Variants in RELB observed in about 807,000 individuals in gnomAD.
The protein encoded by RELB is transcription factor RelB.
RELB carries 14 observed loss-of-function variants against 55.4 expected under a neutral mutation model. The observed-to-expected ratio is 0.25, with a 90% CI of 0.17 to 0.40. The LOEUF (loss-of-function observed/expected upper bound fraction) is 0.40. Ranked by LOEUF, RELB falls within the 10% of genes least tolerant of loss-of-function variation. The pLI is 1.00. For synonymous variants in RELB, 409 were observed against 371.3 expected (o/e 1.10, Z -1.17); for missense variants, 669 against 830.7 (o/e 0.81, Z 2.39).
At chr19:45,016,776 G>C (rs76902118) in intron 4 of RELB, among the ~76,000 whole-genome samples, 4,612 of 152,264 alleles carry the variant, frequency 0.03, 234 homozygotes, top group African/African-American at 0.1. Context: ...AGTATTGCTT[G>C]AGTCTGGGAG....
rs548233614 is a variant in RELB, at chr19:45,021,162, C to T, written c.505-891C>T. Among the ~76,000 whole-genome samples the T allele has an allele frequency of 4.4e-4, 66 of 151,604 alleles. 3 individuals carry two copies. Among genetic ancestry groups the T allele is most frequent in the Admixed American group, 3.3e-4 (5 of 15,174 alleles). On this transcript the variant is annotated intron_variant, in intron 4 of 11. Coordinates refer to ENST00000221452, the MANE Select transcript of RELB (RefSeq NM_006509.4). ...CCGCACTCTAGCTTAGGTGATACAG[C>T]GAGACCCTGTCACAAAAAAATTTAA... is the stretch of plus-strand genomic sequence containing the variant.
At chr19:45,023,740 CTTTTTTTTTTTTTTTTT>C (rs1168078618) in intron 5 of RELB, among the ~76,000 whole-genome samples, 1 of 38,364 alleles carries the variant, frequency 2.6e-5, no homozygotes, top group Admixed American at 4.8e-4. Context: ...TGCCCAGCCT[CTTTTTTTTTTTTTTTTT>C]TTTTTTTTTT....
At position 45,011,997 on chromosome 19, in the gene RELB, G is replaced by T; in HGVS notation, c.225G>T (p.Pro75=). The part of the protein sequence containing the change: ...GFGLDGGQPG[P]GEGLPRLVSR... Reference sequence around the variant, plus strand: ...GCCTGGACGGGGGACAGCCGGGCCCGGGCGAGGGGCTGCCACGCCTGGTGT... The same window carrying T: ...GCCTGGACGGGGGACAGCCGGGCCCTGGCGAGGGGCTGCCACGCCTGGTGT... The change falls in exon 4 of 12, where the codon CCG becomes CCT. Residue 75 remains proline (P), a synonymous_variant. Transcript: ENST00000221452. 6.3e-7 allele frequency: 1 copy of T among 1,577,370 alleles called. No homozygotes were observed. The highest frequency in any genetic ancestry group is 2.4e-5 in the East Asian group (1 of 41,638).
chr19:45,004,094 C>T (rs1372546202), intron 2 of RELB, among the ~76,000 whole-genome samples: 56 of 148,876 alleles, frequency 3.8e-4, no homozygotes, highest in Non-Finnish European at 1.3e-4. Flanking sequence ...CACTTTGTGT[C>T]TTTAGTAGAG....
In RELB at chr19:45,025,698, C is replaced by G. The variant is rs370098933; in HGVS notation, c.847C>G (p.Arg283Gly). ...SYRDQQGQMRRMDPVLSEPVY... is the reference protein window; with the variant it reads ...SYRDQQGQMRGMDPVLSEPVY... ...TCGGGACCAGCAGGGACAGATGCGC[C>G]GGATGGATCCTGTGCTTTCCGAGCC... Residue 283 changes from arginine (R) to glycine (G), a missense_variant, in exon 7 of 12, where the codon CGG (arginine) becomes GGG (glycine). By Grantham distance (125) the Arg-to-Gly change is moderately radical. Transcript: ENST00000221452. 6.2e-7 allele frequency: 1 copy of G among 1,613,948 alleles called. No individual in the cohort carries two copies. The highest frequency in any genetic ancestry group is 1.7e-5 in the Admixed American group (1 of 59,998).
rs1350741460 is a variant in RELB, at chr19:45,034,237, T to C, written c.1208-7T>C. ...CTTCTTGTGTGTCCCTGGTATCTCCTTAACAGACAGCTACGGCGTGGACAA... is the reference window on the plus strand; with the variant it reads ...CTTCTTGTGTGTCCCTGGTATCTCCCTAACAGACAGCTACGGCGTGGACAA... On this transcript the variant is annotated splice_polypyrimidine_tract_variant and splice_region_variant and intron_variant, in intron 9 of 11. Transcript: ENST00000221452. The C allele has an allele frequency of 6.8e-6, 11 of 1,612,146 alleles. No individual in the cohort carries two copies. The Admixed American group carries it at 1.0e-4, about 15-fold the overall frequency.
chr19:45,026,869 T>C (rs1358569003), intron 7 of RELB, among the ~76,000 whole-genome samples: 3 of 152,150 alleles, frequency 2.0e-5, no homozygotes, highest in African/African-American at 2.4e-5. Flanking sequence ...AGCCAACCCA[T>C]AGTGACTGCT....
At chr19:45,032,442 A>C in intron 8 of RELB, 92 bp from the exon 9 acceptor site, 2 of 1,046,474 alleles carry the variant, frequency 1.9e-6, no homozygotes, top group Non-Finnish European at 2.8e-6. Context: ...AAAAGGGGGA[A>C]TATTAGTCTT....
rs774233582 is a variant in RELB at position 45,012,219 on chromosome 19, C to T, written c.447C>T (p.Ala149=). The change falls in exon 4 of 12, where the codon GCC becomes GCT. Residue 149 remains alanine, a synonymous_variant. Coordinates refer to ENST00000221452, the MANE Select transcript of RELB (RefSeq NM_006509.4). The part of the protein sequence containing the change: ...RFRYECEGRS[A]GSILGESSTE... ...GCTACGAGTGCGAGGGCCGCTCGGCCGGCAGCATCCTTGGGGAGAGCAGCA... is the reference window on the plus strand; with the variant it reads ...GCTACGAGTGCGAGGGCCGCTCGGCTGGCAGCATCCTTGGGGAGAGCAGCA... The T allele has an allele frequency of 1.3e-6, 2 of 1,492,778 alleles. No homozygotes were observed. The highest frequency in any genetic ancestry group is 8.8e-7 in the Non-Finnish European group (1 of 1,136,002). 92.5% of individuals were successfully genotyped at this position (1,492,778 alleles called of 1,614,324 possible). A position where few individuals can be genotyped will look rare whatever the true frequency, so the allele number is the denominator to read the frequency against.
intron 3 of RELB, 150 bp downstream of exon 3, chr19:45,009,972 C>A (rs1465543201): frequency 2.4e-6 from 2 of 829,058 alleles, no homozygotes; most frequent in African/African-American, 3.4e-5. Context: ...AAGTCATGCT[C>A]CTAAGGTACT....
intron 1 of RELB, 95 bp downstream of exon 1, chr19:45,001,780 A>G: frequency 1.4e-6 from 1 of 732,348 alleles, no homozygotes; most frequent in Non-Finnish European, 2.1e-6. Context: ...TTCCTATGGG[A>G]GTCTAAGGGT....
intron 8 of RELB, 120 bp from the exon 9 acceptor site, chr19:45,032,414 C>CAAA: frequency 1.4e-6 from 1 of 701,398 alleles, no homozygotes; most frequent in Non-Finnish European, 2.3e-6. Context: ...GCAAGACTCT[C>CAAA]AAAAAAAAAA....
At chr19:45,002,825 C>A in intron 1 of RELB, 124 bp from the exon 2 acceptor site, 1 of 723,852 alleles carries the variant, frequency 1.4e-6, no homozygotes. Flanking sequence ...GGGGGGCAGT[C>A]AGGGCGAGGG....
rs1234294616 is a variant in RELB, at chr19:45,022,038, C to A, written c.505-15C>A. ...TCGGTGATGGGACCCCCAAAGAGGACTTCTCTTCCTGCAGCTCCGGGATTG... is the reference window on the plus strand; with the variant it reads ...TCGGTGATGGGACCCCCAAAGAGGAATTCTCTTCCTGCAGCTCCGGGATTG... On this transcript the variant is annotated splice_polypyrimidine_tract_variant and intron_variant, in intron 4 of 11. Transcript: ENST00000221452. The A allele has an allele frequency of 4.4e-6, 7 of 1,600,748 alleles. No individual in the cohort carries two copies. Among genetic ancestry groups the A allele is most frequent in the Non-Finnish European group, 5.1e-6 (6 of 1,172,914 alleles).
At chr19:45,037,326 G>T in intron 11 of RELB, 79 bp from the exon 12 acceptor site, 2 of 1,410,796 alleles carry the variant, frequency 1.4e-6, no homozygotes, top group Non-Finnish European at 1.9e-6. Context: ...ATTTTGCAGG[G>T]AGTAGGGCAT....
chr19:45,027,678 C>T (rs11671049), intron 7 of RELB, among the ~76,000 whole-genome samples: 14 of 152,040 alleles, frequency 9.2e-5, no homozygotes, highest in African/African-American at 3.4e-4. Flanking sequence ...ATCCCAGTTA[C>T]TAAGATGAGG....
chr19:45,032,909 C>A (rs149654627), intron 9 of RELB, among the ~76,000 whole-genome samples, 160 bp downstream of exon 9: 8 of 152,270 alleles, frequency 5.3e-5, no homozygotes, highest in African/African-American at 1.7e-4. Context: ...GGTTGTGTGA[C>A]CTTGGCCTCT....
intron 5 of RELB, among the ~76,000 whole-genome samples, chr19:45,023,967 T>C (rs1300711849): frequency 9.6e-6 from 1 of 104,696 alleles, no homozygotes; most frequent in Non-Finnish European, 2.0e-5. Flanking sequence ...GTCAGGCTGA[T>C]CTCAAAATTC....
chr19:45,023,898 C>A, intron 5 of RELB, among the ~76,000 whole-genome samples: 1 of 150,522 alleles, frequency 6.6e-6, no homozygotes, highest in East Asian at 2.0e-4. Context: ...TTACAGGCGC[C>A]AGCCACCACA....
Sources: allele counts gnomAD v4.1 joint callset (sites outside exome capture counted in the v4.1 genomes callset), GRCh38; gene constraint gnomAD v4.1.1; transcripts MANE v1.5; gene names NCBI Gene and HGNC (gene_info 2026-07-23, HGNC 2026-07-21).